Variants in B4GALT6 observed in about 807,000 individuals in gnomAD.
B4GALT6 encodes beta-1,4-galactosyltransferase 6.
In B4GALT6, 14 loss-of-function variants were observed where a neutral mutation model predicts 46.3. The ratio of observed to expected loss-of-function variants is 0.30; its 90% CI spans 0.20 to 0.47. The LOEUF (loss-of-function observed/expected upper bound fraction) is 0.47, where lower values mean the gene tolerates loss of function less well. B4GALT6 is among the 20% of genes least tolerant of loss of function. B4GALT6 has a pLI of 0.99. For missense variants in B4GALT6, 386 were observed against 480.1 expected, an observed-to-expected ratio of 0.80 and a Z score of 1.83; for synonymous variants, 168 against 162.0, an observed-to-expected ratio of 1.04 and a Z score of -0.28.
chr18:31,723,544 T>C, the B4GALT6 span, among the ~76,000 whole-genome samples: 1 of 151,476 alleles, frequency 6.6e-6, no homozygotes, highest in Non-Finnish European at 1.5e-5. Flanking sequence ...CCCAGGCTAG[T>C]GCAAAGAGCT....
At chr18:31,658,223 T>A (rs1014828924) in intron 2 of B4GALT6, 134 bp from the exon 3 acceptor site, 45 of 645,730 alleles carry the variant, frequency 7.0e-5, no homozygotes, top group Admixed American at 4.2e-4. Flanking sequence ...CAATTATCTT[T>A]AAGGAACTAG....
At chr18:31,626,965 A>C in intron 7 of B4GALT6, 34 bp downstream of exon 7, 2 of 1,569,668 alleles carry the variant, frequency 1.3e-6, no homozygotes, top group Non-Finnish European at 1.7e-6. Context: ...ATTTATAAAA[A>C]TTCTATTAGT....
the B4GALT6 span, among the ~76,000 whole-genome samples, chr18:31,712,039 GT>G: frequency 6.6e-6 from 1 of 152,084 alleles, no homozygotes; most frequent in Non-Finnish European, 1.5e-5. Flanking sequence ...ACACTCAAAT[GT>G]TTGTTTTCTA....
intron 1 of B4GALT6, among the ~76,000 whole-genome samples, chr18:31,682,527 A>C (rs1475584341): frequency 6.6e-6 from 1 of 152,212 alleles, no homozygotes; most frequent in African/African-American, 2.4e-5. Context: ...GGCAAACATT[A>C]AGCATTCAAA....
At chr18:31,641,274 C>A (rs1286369897) in intron 4 of B4GALT6, among the ~76,000 whole-genome samples, 1 of 152,076 alleles carries the variant, frequency 6.6e-6, no homozygotes, top group African/African-American at 2.4e-5. Context: ...AGTGTTTTTT[C>A]TTTTAATCTC....
chr18:31,700,435 T>TTGTGTGTGTGTGTGTGTGTG, the B4GALT6 span, among the ~76,000 whole-genome samples: 48 of 139,578 alleles, frequency 3.4e-4, no homozygotes, highest in East Asian at 1.5e-3. Flanking sequence ...AATTGACTAT[T>TTGTGTGTGTGTGTGTGTGTG]TGTGTGTGTG....
At chr18:31,714,103 G>A in the B4GALT6 span, among the ~76,000 whole-genome samples, 373 of 152,198 alleles carry the variant, frequency 2.5e-3, 3 homozygotes, top group Middle Eastern at 0.024. Flanking sequence ...GGTAGCCATA[G>A]GCCACATGCA....
At chr18:31,721,898 GTGTGTGTA>G in the B4GALT6 span, among the ~76,000 whole-genome samples, 2 of 152,028 alleles carry the variant, frequency 1.3e-5, no homozygotes, top group Admixed American at 1.3e-4. Context: ...GTATGTGTGT[GTGTGTGTA>G]TGTGTGTATG....
intron 2 of B4GALT6, among the ~76,000 whole-genome samples, chr18:31,666,022 T>C (rs1222403591): frequency 5.3e-5 from 8 of 152,248 alleles, no homozygotes; most frequent in African/African-American, 1.9e-4. Context: ...ATATTTTGTT[T>C]ACAAGAATTA....
At chr18:31,683,876 C>T (rs1012450847) in intron 1 of B4GALT6, among the ~76,000 whole-genome samples, 1 of 152,130 alleles carries the variant, frequency 6.6e-6, no homozygotes, top group Admixed American at 6.5e-5. Context: ...CATTGTTGGA[C>T]TCAATCACAT....
intron 5 of B4GALT6, among the ~76,000 whole-genome samples, chr18:31,632,576 A>T (rs1362001086): frequency 1.3e-5 from 2 of 152,164 alleles, no homozygotes; most frequent in Non-Finnish European, 2.9e-5. Flanking sequence ...ACTTTAAGAC[A>T]CTGTCTCTTG....
At chr18:31,674,075 C>T (rs2074388260) in intron 1 of B4GALT6, among the ~76,000 whole-genome samples, 1 of 152,176 alleles carries the variant, frequency 6.6e-6, no homozygotes, top group Admixed American at 6.5e-5. Context: ...TAATTTCAGA[C>T]TTCTGGCCTC....
the B4GALT6 span, among the ~76,000 whole-genome samples, chr18:31,718,521 A>G: frequency 6.6e-6 from 1 of 152,170 alleles, no homozygotes; most frequent in African/African-American, 2.4e-5. Flanking sequence ...CACCTAACAC[A>G]ACGCTCTCCA....
At chr18:31,702,290 C>A in the B4GALT6 span, among the ~76,000 whole-genome samples, 17 of 152,136 alleles carry the variant, frequency 1.1e-4, no homozygotes, top group Admixed American at 1.1e-3. Context: ...AATTATCCTG[C>A]AGTTAACACT....
At chr18:31,701,163 T>C in the B4GALT6 span, among the ~76,000 whole-genome samples, 1 of 152,260 alleles carries the variant, frequency 6.6e-6, no homozygotes, top group Non-Finnish European at 1.5e-5. Context: ...TGAGAGGTGA[T>C]TGAATTATGG....
rs2074457888 is a variant in B4GALT6 at position 31,679,710 on chromosome 18, C to G, written c.115+4602G>C. On this transcript the variant is annotated intron_variant, in intron 1 of 8. Transcript: ENST00000306851. ...GCACGCCCTTACTTTCATCTGCCTA[C>G]CTACTAATTCTTCCTGGATATCACA... 2.6e-5 allele frequency among the ~76,000 whole-genome samples: 4 copies of G among 152,192 alleles called. No individual in the cohort carries two copies. The South Asian group carries it at 6.2e-4, about 24-fold the overall frequency.
intron 6 of B4GALT6, among the ~76,000 whole-genome samples, chr18:31,628,741 T>C (rs2073735289): frequency 6.6e-6 from 1 of 152,194 alleles, no homozygotes; most frequent in South Asian, 2.1e-4. Flanking sequence ...GGCCTTGATC[T>C]ACTGCCATTC....
chr18:31,673,609 A>T (rs544481765), intron 1 of B4GALT6, among the ~76,000 whole-genome samples: 2 of 152,320 alleles, frequency 1.3e-5, no homozygotes, highest in South Asian at 4.1e-4. Context: ...ATGAACTAAC[A>T]TTTACTAAGT....
chr18:31,652,068 C>T (rs949368276), intron 3 of B4GALT6, among the ~76,000 whole-genome samples: 1 of 152,138 alleles, frequency 6.6e-6, no homozygotes, highest in African/African-American at 2.4e-5. Flanking sequence ...CGGCGCCCGG[C>T]CTCTTCTCTC....
Sources: gnomAD v4.1 joint callset for allele counts (sites outside exome capture counted in the v4.1 genomes callset) on GRCh38, gnomAD v4.1.1 for gene constraint, MANE v1.5 for transcripts, NCBI Gene and HGNC (gene_info 2026-07-23, HGNC 2026-07-21) for gene names.